The following TTC28 variants were observed in gnomAD, a reference collection of about 807,000 sequenced individuals.
TTC28 encodes tetratricopeptide repeat protein 28.
In TTC28, 61 loss-of-function variants were observed where a neutral mutation model predicts 198.0. That is an observed-to-expected ratio of 0.31 (90% CI 0.25 to 0.38). The LOEUF is 0.38. TTC28 is among the 10% of genes least tolerant of loss of function. The probability of loss-of-function intolerance (pLI) is 1.00; values close to 1 mark genes in which losing one functional copy is unlikely to be tolerated. For missense variants in TTC28, 2,678 were observed against 3,164.0 expected, an observed-to-expected ratio of 0.85 and a Z score of 3.69; for synonymous variants, 1,171 against 1,297.8, an observed-to-expected ratio of 0.90 and a Z score of 2.10.
intron 2 of TTC28, among the ~76,000 whole-genome samples, chr22:28,359,633 A>G (rs1316926965): frequency 6.6e-6 from 1 of 152,226 alleles, no homozygotes; most frequent in Non-Finnish European, 1.5e-5. Context: ...TAGTAAGTAT[A>G]TGGATATATA....
intron 2 of TTC28, among the ~76,000 whole-genome samples, chr22:28,508,894 C>T (rs1270450902): frequency 2.0e-5 from 3 of 152,038 alleles, no homozygotes; most frequent in Non-Finnish European, 2.9e-5. Flanking sequence ...TAGAGATCTA[C>T]AGAACTCTCC....
rs117963935 is a variant in TTC28 at position 28,341,511 on chromosome 22, G to A, written c.382-34868C>T. Reference sequence around the variant, plus strand: ...AACAAAAAATAAAAATAAAAATTAGGCCAAGTACAGTGGCTCATGCCTCTA... The same window carrying A: ...AACAAAAAATAAAAATAAAAATTAGACCAAGTACAGTGGCTCATGCCTCTA... On this transcript the variant is annotated intron_variant, in intron 2 of 22. Transcript: ENST00000397906. 7.2e-4 allele frequency among the ~76,000 whole-genome samples: 109 copies of A among 152,188 alleles called. 3 individuals are homozygous for A. The East Asian group carries it at 0.015, about 21-fold the overall frequency.
chr22:28,122,205 T>G (rs567177999), intron 6 of TTC28, among the ~76,000 whole-genome samples: 1 of 152,124 alleles, frequency 6.6e-6, no homozygotes, highest in Non-Finnish European at 1.5e-5. Context: ...CAGCTCCCTT[T>G]TACTTATTCG....
At chr22:28,630,787 ATGTT>A (rs1267026654) in intron 1 of TTC28, among the ~76,000 whole-genome samples, 1 of 152,196 alleles carries the variant, frequency 6.6e-6, no homozygotes, top group Non-Finnish European at 1.5e-5. Context: ...GTGTATATGT[ATGTT>A]TAATAGTTAC....
At chr22:28,350,890 A>C (rs1193731250) in intron 2 of TTC28, among the ~76,000 whole-genome samples, 1 of 152,182 alleles carries the variant, frequency 6.6e-6, no homozygotes, top group Non-Finnish European at 1.5e-5. Flanking sequence ...AATCCTTAAG[A>C]AACACTTCTC....
chr22:28,191,243 G>C (rs1924715445), intron 5 of TTC28, among the ~76,000 whole-genome samples: 1 of 152,186 alleles, frequency 6.6e-6, no homozygotes, highest in African/African-American at 2.4e-5. Context: ...AAAAATCCTG[G>C]TTATAAAATA....
chr22:28,537,487 CAT>C (rs746676231), intron 2 of TTC28, among the ~76,000 whole-genome samples: 51 of 151,524 alleles, frequency 3.4e-4, no homozygotes, highest in South Asian at 8.3e-4. Context: ...TAGATCCTCT[CAT>C]AACAAAAAAA....
At chr22:27,988,240 A>G (rs1183799983) in intron 21 of TTC28, among the ~76,000 whole-genome samples, 1 of 151,538 alleles carries the variant, frequency 6.6e-6, no homozygotes, top group Middle Eastern at 3.2e-3. Context: ...GTCACCCACA[A>G]AACAGGTTAG....
In TTC28 at chr22:28,199,584, C is replaced by CTGTGTATGTGTA. The variant is rs143224929; in HGVS notation, c.934-35997_934-35986dup. 2.4e-3 allele frequency among the ~76,000 whole-genome samples: 349 copies of CTGTGTATGTGTA among 144,878 alleles called. 1 individual carries two copies. The highest frequency in any genetic ancestry group is 8.5e-3 in the African/African-American group (318 of 37,408). ...ACTAAATTATTTGTGTGCATGTGCA[C>CTGTGTATGTGTA]TGTGTATGTGTATGTGTATGTGTAT... On this transcript the variant is annotated intron_variant, in intron 5 of 22. Transcript: ENST00000397906.
chr22:28,485,039 GGT>G (rs1415558813), intron 2 of TTC28, among the ~76,000 whole-genome samples: 1 of 152,070 alleles, frequency 6.6e-6, no homozygotes, highest in Non-Finnish European at 1.5e-5. Context: ...TCATTTTAAA[GGT>G]TACCATCCCT....
chr22:28,367,848 C>A (rs943421749), intron 2 of TTC28, among the ~76,000 whole-genome samples: 7 of 151,900 alleles, frequency 4.6e-5, no homozygotes, highest in African/African-American at 7.2e-5. Flanking sequence ...CTACAGCCTA[C>A]CAAAATTGAG....
At chr22:28,062,856 T>C (rs1373033642) in intron 12 of TTC28, among the ~76,000 whole-genome samples, 1 of 152,214 alleles carries the variant, frequency 6.6e-6, no homozygotes, top group Non-Finnish European at 1.5e-5. Flanking sequence ...ATAATTGCTT[T>C]AATATTTTTG....
At chr22:28,355,261 T>A (rs1431361288) in intron 2 of TTC28, among the ~76,000 whole-genome samples, 1 of 152,044 alleles carries the variant, frequency 6.6e-6, no homozygotes, top group African/African-American at 2.4e-5. Flanking sequence ...TTCTAAAAAA[T>A]AAATTGAAGA....
chr22:28,133,661 G>A (rs1943116881), intron 6 of TTC28, among the ~76,000 whole-genome samples: 1 of 152,214 alleles, frequency 6.6e-6, no homozygotes, highest in South Asian at 2.1e-4. Flanking sequence ...CATGGCTAGG[G>A]GAGGGGCGCC....
chr22:28,192,808 C>T (rs149326312), intron 5 of TTC28, among the ~76,000 whole-genome samples: 19 of 152,304 alleles, frequency 1.2e-4, no homozygotes, highest in African/African-American at 3.4e-4. Flanking sequence ...ACCAAATCTA[C>T]GTCTGATTGG....
chr22:28,559,581 T>C (rs764940078), intron 2 of TTC28, among the ~76,000 whole-genome samples: 3 of 152,166 alleles, frequency 2.0e-5, no homozygotes, highest in Non-Finnish European at 4.4e-5. Context: ...AGCATCTATT[T>C]CCCCACCTAC....
At chr22:28,388,281 T>C (rs2046650558) in intron 2 of TTC28, among the ~76,000 whole-genome samples, 4 of 152,372 alleles carry the variant, frequency 2.6e-5, no homozygotes, top group African/African-American at 9.6e-5. Context: ...GGTAGTGTGA[T>C]GCCTCCAGCT....
At chr22:28,510,653 G>A (rs958913275) in intron 2 of TTC28, among the ~76,000 whole-genome samples, 11 of 151,996 alleles carry the variant, frequency 7.2e-5, no homozygotes, top group Admixed American at 1.3e-4. Flanking sequence ...AAGTTCTCGC[G>A]AGGGCAATAG....
At chr22:28,596,302 A>G (rs1010715202) in intron 2 of TTC28, among the ~76,000 whole-genome samples, 1 of 152,182 alleles carries the variant, frequency 6.6e-6, no homozygotes, top group African/African-American at 2.4e-5. Flanking sequence ...GTAGTGGGCA[A>G]AGCAGTGAGT....
Sources: gnomAD v4.1 joint callset for allele counts (sites outside exome capture counted in the v4.1 genomes callset) on GRCh38, gnomAD v4.1.1 for gene constraint, MANE v1.5 for transcripts, NCBI Gene and HGNC (gene_info 2026-07-23, HGNC 2026-07-21) for gene names.